The following PAK5 variants were observed in gnomAD, a reference collection of about 807,000 sequenced individuals.
PAK5 encodes p21 (RAC1) activated kinase 5.
Under a neutral mutation model 65.9 loss-of-function variants are expected in PAK5, and 16 were observed. The ratio of observed to expected loss-of-function variants is 0.24; its 90% CI spans 0.16 to 0.37. The LOEUF (loss-of-function observed/expected upper bound fraction) is 0.37, where lower values mean the gene tolerates loss of function less well. PAK5 is among the 10% of genes least tolerant of loss of function. The pLI is 1.00. For synonymous variants in PAK5, 371 were observed against 354.9 expected (o/e 1.05, Z -0.51); for missense variants, 785 against 903.9 (o/e 0.87, Z 1.69).
chr20:9,834,664 G>T (rs1442206682), intron 1 of PAK5, among the ~76,000 whole-genome samples: 1 of 152,088 alleles, frequency 6.6e-6, no homozygotes, highest in East Asian at 1.9e-4. Context: ...TATTTGTTGT[G>T]CTCCTAGTAA....
At chr20:9,594,074 C>T (rs1450174022) in intron 3 of PAK5, among the ~76,000 whole-genome samples, 6 of 152,202 alleles carry the variant, frequency 3.9e-5, no homozygotes, top group Non-Finnish European at 7.3e-5. Flanking sequence ...AGACCAATTA[C>T]ATCTCTGATC....
chr20:9,816,895 G>C (rs1033947749), intron 1 of PAK5, among the ~76,000 whole-genome samples: 4 of 152,146 alleles, frequency 2.6e-5, no homozygotes, highest in Admixed American at 2.0e-4. Flanking sequence ...AAGGTATAGA[G>C]AATATGGGAC....
intron 3 of PAK5, among the ~76,000 whole-genome samples, chr20:9,624,912 A>G (rs1347041047): frequency 6.6e-6 from 1 of 152,252 alleles, no homozygotes; most frequent in Non-Finnish European, 1.5e-5. Context: ...CAAACAAATT[A>G]TGAATCTGTT....
intron 3 of PAK5, among the ~76,000 whole-genome samples, chr20:9,610,045 A>C (rs2046529699): frequency 6.6e-6 from 1 of 152,172 alleles, no homozygotes; most frequent in Admixed American, 6.5e-5. Context: ...AACAACACAC[A>C]AAGGAATTAA....
intron 1 of PAK5, among the ~76,000 whole-genome samples, chr20:9,713,542 A>G (rs959495034): frequency 2.0e-5 from 3 of 152,098 alleles, no homozygotes. Context: ...AAATCAATGT[A>G]TTGAATAGAT....
chr20:9,819,013 C>T (rs2049389521), intron 1 of PAK5, among the ~76,000 whole-genome samples: 2 of 152,098 alleles, frequency 1.3e-5, no homozygotes, highest in African/African-American at 2.4e-5. Flanking sequence ...TACCAAATCA[C>T]TTAAATCACT....
chr20:9,648,098 G>A (rs2047156577), intron 2 of PAK5, among the ~76,000 whole-genome samples: 1 of 152,132 alleles, frequency 6.6e-6, no homozygotes, highest in Non-Finnish European at 1.5e-5. Context: ...CCTCTGTCAG[G>A]GGTCCCAAAG....
rs2045197112 is a variant in PAK5 at position 9,537,957 on chromosome 20, T to C, written c.*1505A>G. 1 of 231,184 alleles carries C rather than the reference T, an allele frequency of 4.3e-6. No homozygotes were observed. The highest frequency in any genetic ancestry group is 1.8e-4 in the South Asian group (1 of 5,510). 14.3% of individuals were successfully genotyped at this position (231,184 alleles called of 1,614,324 possible). A position where few individuals can be genotyped will look rare whatever the true frequency, so the allele number is the denominator to read the frequency against. On this transcript the variant is annotated 3_prime_UTR_variant, in exon 10 of 10. Coordinates refer to ENST00000353224, the MANE Select transcript of PAK5 (RefSeq NM_177990.4). ...TATGCTTAGAGCAACCAGAGCGCTA[T>C]CACAAATTTAAATTCATATTTGTTA...
At chr20:9,820,388 T>C (rs1477156622) in intron 1 of PAK5, among the ~76,000 whole-genome samples, 1 of 152,212 alleles carries the variant, frequency 6.6e-6, no homozygotes, top group African/African-American at 2.4e-5. Flanking sequence ...AACCTATTTT[T>C]ATTGAAAGAG....
intron 1 of PAK5, among the ~76,000 whole-genome samples, chr20:9,724,707 A>T (rs2048255899): frequency 6.6e-6 from 1 of 152,094 alleles, no homozygotes; most frequent in Admixed American, 6.6e-5. Context: ...ATTATAGTTC[A>T]TCTTCGCTAG....
intron 1 of PAK5, among the ~76,000 whole-genome samples, chr20:9,717,276 CTTTT>C (rs2048159439): frequency 6.6e-6 from 1 of 152,110 alleles, no homozygotes; most frequent in Non-Finnish European, 1.5e-5. Flanking sequence ...CTGGCTCCAC[CTTTT>C]ACTAGCTGCA....
chr20:9,750,516 A>T lies in PAK5; in HGVS notation c.-161-39081T>A, dbSNP rs531580426. ...ATTTGACGAAATACAACTACTCATTATATGGTACTCAAAATGGTTAGCATT... is the reference window on the plus strand; with the variant it reads ...ATTTGACGAAATACAACTACTCATTTTATGGTACTCAAAATGGTTAGCATT... On this transcript the variant is annotated intron_variant, in intron 1 of 9. Coordinates refer to ENST00000353224, the MANE Select transcript of PAK5 (RefSeq NM_177990.4). Among the ~76,000 whole-genome samples the T allele has an allele frequency of 3.9e-4, 60 of 152,200 alleles. 1 individual carries two copies. Among genetic ancestry groups the T allele is most frequent in the Non-Finnish European group, 7.5e-4 (51 of 68,026 alleles).
In PAK5 at chr20:9,539,193, C is replaced by T. The variant is rs577050907; in HGVS notation, c.*269G>A. On this transcript the variant is annotated 3_prime_UTR_variant, in exon 10 of 10. Coordinates refer to ENST00000353224, the MANE Select transcript of PAK5 (RefSeq NM_177990.4). ...ATCATAACGGAGTTTGTACTGAGTC[C>T]TTCTGATTTGCTGGATGAAGGGCTG... 2.8e-6 allele frequency: 1 copy of T among 358,030 alleles called. No homozygotes were observed. The highest frequency in any genetic ancestry group is 6.3e-5 in the South Asian group (1 of 15,992). 22.2% of individuals were successfully genotyped at this position (358,030 alleles called of 1,614,324 possible).
chr20:9,557,044 C>A (rs1289301897), intron 7 of PAK5, among the ~76,000 whole-genome samples: 2 of 152,188 alleles, frequency 1.3e-5, no homozygotes, highest in Non-Finnish European at 2.9e-5. Flanking sequence ...TTTCCAGATT[C>A]TAGTAGCCAG....
chr20:9,542,640 C>T lies in PAK5; in HGVS notation c.1950G>A (p.Gln650=). 6.2e-7 allele frequency: 1 copy of T among 1,613,742 alleles called. No individual in the cohort carries two copies. Among genetic ancestry groups the T allele is most frequent in the Non-Finnish European group, 8.5e-7 (1 of 1,179,650 alleles). The change falls in exon 9 of 10, where the codon CAG becomes CAA. Residue 650 remains glutamine (Q), a synonymous_variant. Coordinates refer to ENST00000353224, the MANE Select transcript of PAK5 (RefSeq NM_177990.4). The part of the protein sequence containing the change: ...EPPYFNEPPL[Q]AMRRIRDSLP... The stretch of plus-strand genomic sequence containing the variant: ...AACTGTCCCGGATCCTCCGCATCGC[C>T]TGGAGGGGAGGCTCATTGAAGTAGG...
At chr20:9,586,258 G>GA (rs1430945359) in intron 3 of PAK5, among the ~76,000 whole-genome samples, 4 of 151,780 alleles carry the variant, frequency 2.6e-5, no homozygotes, top group African/African-American at 7.3e-5. Flanking sequence ...AATTTAGAAG[G>GA]AAAAAAAATC....
chr20:9,774,369 C>T (rs542183314), intron 1 of PAK5, among the ~76,000 whole-genome samples: 5 of 152,308 alleles, frequency 3.3e-5, no homozygotes, highest in African/African-American at 1.2e-4. Flanking sequence ...ACAGTGAAAA[C>T]ACAGCCATTA....
chr20:9,776,292 C>T (rs939777646), intron 1 of PAK5, among the ~76,000 whole-genome samples: 1 of 152,088 alleles, frequency 6.6e-6, no homozygotes, highest in Non-Finnish European at 1.5e-5. Context: ...CTTTGCTGCC[C>T]AAGAGTAAGA....
chr20:9,678,974 T>C (rs924128048), intron 2 of PAK5, among the ~76,000 whole-genome samples: 3 of 152,148 alleles, frequency 2.0e-5, no homozygotes, highest in South Asian at 2.1e-4. Flanking sequence ...CAGTTGACCC[T>C]TGAACAAAAC....
Sources: gnomAD v4.1 joint callset for allele counts (sites outside exome capture counted in the v4.1 genomes callset) on GRCh38, gnomAD v4.1.1 for gene constraint, MANE v1.5 for transcripts, NCBI Gene and HGNC (gene_info 2026-07-23, HGNC 2026-07-21) for gene names.